Variants in LRRC7 observed in about 807,000 individuals in gnomAD.
The protein encoded by LRRC7 is leucine rich repeat containing 7.
In LRRC7, 23 loss-of-function variants were observed where a neutral mutation model predicts 175.7. The observed-to-expected ratio is 0.13, with a 90% CI of 0.09 to 0.19. LRRC7 has a LOEUF of 0.19. Ranked by LOEUF, LRRC7 falls within the 10% of genes least tolerant of loss-of-function variation. The probability of loss-of-function intolerance (pLI) is 1.00; values close to 1 mark genes in which losing one functional copy is unlikely to be tolerated. For synonymous variants in LRRC7, 685 were observed against 680.9 expected (o/e 1.01, Z -0.09); for missense variants, 1,354 against 1,904.7 (o/e 0.71, Z 5.38).
In LRRC7 at chr1:70,121,876, C is replaced by T. The variant is rs777585848; in HGVS notation, c.4717C>T (p.Leu1573Phe). The change falls in exon 27 of 27, where the codon CTT (leucine) becomes TTT (phenylalanine). Residue 1573 changes from leucine to phenylalanine, a missense_variant. Coordinates refer to ENST00000651989, the MANE Select transcript of LRRC7 (RefSeq NM_001370785.2). Reference protein sequence around the residue: ...NTVDLVIQRELTV With the variant: ...NTVDLVIQREFTV ...AGTAGACCTAGTTATTCAACGTGAG[C>T]TTACTGTCTAAATATTTTTTATAAA... 3.1e-6 allele frequency: 5 copies of T among 1,596,238 alleles called. No homozygotes were observed. The highest frequency in any genetic ancestry group is 4.3e-6 in the Non-Finnish European group (5 of 1,164,938).
At chr1:69,803,786 T>A (rs949375656) in intron 4 of LRRC7, among the ~76,000 whole-genome samples, 5 of 151,318 alleles carry the variant, frequency 3.3e-5, no homozygotes, top group Admixed American at 6.6e-5. Context: ...ACTGTTTTTT[T>A]AATTTATTTT....
chr1:69,716,005 T>C, intron 2 of LRRC7: 1 of 369,224 alleles, frequency 2.7e-6, no homozygotes, highest in Non-Finnish European at 5.0e-6. Flanking sequence ...TCTTATAGGA[T>C]ATGTAACCTG....
chr1:69,898,942 C>T (rs750183056), intron 7 of LRRC7, among the ~76,000 whole-genome samples: 1 of 152,324 alleles, frequency 6.6e-6, no homozygotes, highest in Admixed American at 6.5e-5. Flanking sequence ...CCATGGAGAA[C>T]CACGCAGCAT....
At chr1:70,043,391 T>A (rs1660079871) in intron 21 of LRRC7, among the ~76,000 whole-genome samples, 1 of 152,226 alleles carries the variant, frequency 6.6e-6, no homozygotes, top group Non-Finnish European at 1.5e-5. Flanking sequence ...ATCAAGCCTA[T>A]GGTAAGCTCA....
intron 1 of LRRC7, among the ~76,000 whole-genome samples, chr1:69,636,578 A>G (rs1315101249): frequency 2.0e-5 from 3 of 151,962 alleles, no homozygotes; most frequent in African/African-American, 7.2e-5. Flanking sequence ...GTTAAATACA[A>G]ATGGTGATAA....
chr1:69,879,224 A>AAC (rs1271918810), intron 7 of LRRC7, among the ~76,000 whole-genome samples: 3 of 135,422 alleles, frequency 2.2e-5, no homozygotes, highest in Non-Finnish European at 3.3e-5. Context: ...AAAAAAAAAA[A>AAC]AAAAAAAAAA....
chr1:70,027,046 C>T (rs1571071134), intron 17 of LRRC7, among the ~76,000 whole-genome samples: 1 of 151,928 alleles, frequency 6.6e-6, no homozygotes, highest in Admixed American at 6.6e-5. Context: ...TCTTTCTCTC[C>T]CTTTTCCGAT....
intron 11 of LRRC7, among the ~76,000 whole-genome samples, chr1:70,010,521 T>C (rs1193809337): frequency 2.0e-5 from 3 of 152,100 alleles, no homozygotes; most frequent in Non-Finnish European, 4.4e-5. Context: ...GCTGAGTTTG[T>C]GCCACTGCAC....
rs190711471 is a variant in LRRC7, at chr1:69,835,642, A to G, written c.590+773A>G. Reference sequence around the variant, plus strand: ...GTATGCTTTTAAAACCTTTGAAAATATTTAACAACCATTGCCTTTGTGAAT... The same window carrying G: ...GTATGCTTTTAAAACCTTTGAAAATGTTTAACAACCATTGCCTTTGTGAAT... On this transcript the variant is annotated intron_variant, in intron 6 of 26. Transcript: ENST00000651989. Among the ~76,000 whole-genome samples the G allele has an allele frequency of 3.3e-5, 5 of 152,154 alleles. No homozygotes were observed. The East Asian group carries it at 7.7e-4, about 23-fold the overall frequency.
intron 1 of LRRC7, among the ~76,000 whole-genome samples, chr1:69,654,938 A>G (rs1656392389): frequency 6.6e-6 from 1 of 152,090 alleles, no homozygotes; most frequent in Non-Finnish European, 1.5e-5. Context: ...ATGTTGGCCA[A>G]TATTTCAAAT....
At chr1:69,857,044 C>A (rs1480372242) in intron 7 of LRRC7, among the ~76,000 whole-genome samples, 1 of 152,202 alleles carries the variant, frequency 6.6e-6, no homozygotes, top group Non-Finnish European at 1.5e-5. Context: ...GCAGAAAAGG[C>A]CTTCAACAAA....
intron 23 of LRRC7, among the ~76,000 whole-genome samples, chr1:70,059,474 A>ATGTGTGTGTGTGT (rs1661405690): frequency 1.5e-5 from 2 of 132,290 alleles, no homozygotes; most frequent in South Asian, 2.7e-4. Flanking sequence ...ACTAGAAGAA[A>ATGTGTGTGTGTGT]GTGTGTGTGT....
chr1:69,740,858 T>C (rs1225779248), intron 2 of LRRC7, among the ~76,000 whole-genome samples: 1 of 152,002 alleles, frequency 6.6e-6, no homozygotes, highest in Non-Finnish European at 1.5e-5. Flanking sequence ...GAGTTAGGCT[T>C]CAACATATGA....
At chr1:69,952,584 A>G (rs1650049731) in intron 8 of LRRC7, among the ~76,000 whole-genome samples, 1 of 152,150 alleles carries the variant, frequency 6.6e-6, no homozygotes, top group African/African-American at 2.4e-5. Flanking sequence ...TTCCAAGTAC[A>G]CATTTTTGTC....
intron 4 of LRRC7, among the ~76,000 whole-genome samples, chr1:69,805,374 T>A (rs1676993430): frequency 6.6e-6 from 1 of 151,788 alleles, no homozygotes; most frequent in Non-Finnish European, 1.5e-5. Context: ...AGTGTATACA[T>A]TATAAATTCA....
At chr1:69,645,960 G>T (rs72936592) in intron 1 of LRRC7, among the ~76,000 whole-genome samples, 3,661 of 152,038 alleles carry the variant, frequency 0.024, 125 homozygotes, top group African/African-American at 0.083. Flanking sequence ...AGGCCATATT[G>T]TATTAAGTTT....
chr1:70,086,987 G>C (rs1223009559), intron 24 of LRRC7, among the ~76,000 whole-genome samples: 5 of 152,100 alleles, frequency 3.3e-5, no homozygotes, highest in Non-Finnish European at 7.4e-5. Context: ...TGCTTTATGA[G>C]ACCCAGTAGT....
intron 24 of LRRC7, among the ~76,000 whole-genome samples, chr1:70,081,218 T>C (rs1307778848): frequency 1.3e-5 from 2 of 152,330 alleles, no homozygotes; most frequent in East Asian, 3.9e-4. Context: ...CTGAATAATA[T>C]ATTGAGAATA....
intron 1 of LRRC7, among the ~76,000 whole-genome samples, chr1:69,604,909 C>T (rs1749509): frequency 0.027 from 4,128 of 152,220 alleles, 75 homozygotes; most frequent in Non-Finnish European, 0.044. Context: ...GCACGTGTAA[C>T]AAAATGTTAA....
Sources: allele counts gnomAD v4.1 joint callset (sites outside exome capture counted in the v4.1 genomes callset), GRCh38; gene constraint gnomAD v4.1.1; transcripts MANE v1.5; gene names NCBI Gene and HGNC (gene_info 2026-07-23, HGNC 2026-07-21).